LMX1B: variants seen among roughly 807,000 people sequenced by gnomAD.
The protein encoded by LMX1B is LIM homeobox transcription factor 1-beta.
In LMX1B, 12 loss-of-function variants were observed where a neutral mutation model predicts 51.4. The ratio of observed to expected loss-of-function variants is 0.23; its 90% CI spans 0.15 to 0.38. LMX1B has a LOEUF of 0.38. LMX1B is among the 10% of genes least tolerant of loss of function. The pLI is 1.00. For synonymous variants in LMX1B, 237 were observed against 235.4 expected (o/e 1.01, Z -0.06); for missense variants, 445 against 571.1 (o/e 0.78, Z 2.25).
At chr9:126,682,308 G>T (rs77618155) in intron 2 of LMX1B, among the ~76,000 whole-genome samples, 3,454 of 151,880 alleles carry the variant, frequency 0.023, 103 homozygotes, top group African/African-American at 0.066. Flanking sequence ...CCCAGGTGTC[G>T]GCTGGAATGT....
rs558658509 is a variant in LMX1B, at chr9:126,697,717, T to G, written c.*1266T>G. ...GTTAATTTGGCCCAAAAGACAATGA[T>G]TTGGCCACATGACCTTAGAGATTCA... On this transcript the variant is annotated 3_prime_UTR_variant, in exon 8 of 8. Coordinates refer to ENST00000373474, the MANE Select transcript of LMX1B (RefSeq NM_001174147.2). 3.9e-5 allele frequency: 6 copies of G among 152,492 alleles called. No homozygotes were observed. Among genetic ancestry groups the G allele is most frequent in the African/African-American group, 1.4e-4 (6 of 41,576 alleles). 9.4% of individuals were successfully genotyped at this position (152,492 alleles called of 1,614,324 possible).
chr9:126,617,454 T>TC (rs937887007), intron 2 of LMX1B, among the ~76,000 whole-genome samples: 1 of 149,402 alleles, frequency 6.7e-6, no homozygotes, highest in Non-Finnish European at 1.5e-5. Flanking sequence ...TATTCTGCCC[T>TC]CCCCCCACTC....
chr9:126,693,058 G>A (rs923577603), intron 3 of LMX1B, 84 bp from the exon 4 acceptor site: 106 of 1,393,050 alleles, frequency 7.6e-5, no homozygotes, highest in Non-Finnish European at 9.4e-5. Flanking sequence ...GGCTCCCATC[G>A]GGCAGCAGGT....
chr9:126,615,275 C>A lies in LMX1B; in HGVS notation c.140-108C>A. 1.3e-6 allele frequency: 1 copy of A among 746,192 alleles called. No homozygotes were observed. Among genetic ancestry groups the A allele is most frequent in the East Asian group, 4.2e-5 (1 of 23,652 alleles). 46.2% of individuals were successfully genotyped at this position (746,192 alleles called of 1,614,324 possible). ...GAGCGCAGGCGGCAGGCGGTGATCCCGGGCGGCCCGAGCCCTCGGGGCCGA... is the reference window on the plus strand; with the variant it reads ...GAGCGCAGGCGGCAGGCGGTGATCCAGGGCGGCCCGAGCCCTCGGGGCCGA... On this transcript the variant is annotated intron_variant, in intron 1 of 7. Coordinates refer to ENST00000373474, the MANE Select transcript of LMX1B (RefSeq NM_001174147.2). The surrounding 1 kb of genome is among the most constrained non-coding windows in gnomAD (Gnocchi z 6.0).
chr9:126,667,221 C>T (rs1486028930), intron 2 of LMX1B, among the ~76,000 whole-genome samples: 4 of 152,206 alleles, frequency 2.6e-5, no homozygotes, highest in East Asian at 3.9e-4. Flanking sequence ...ATCCATATTT[C>T]CTCTAACTGC....
At position 126,626,897 on chromosome 9, in the gene LMX1B, A is replaced by G. The variant is rs911451752; in HGVS notation, c.326+11328A>G. On this transcript the variant is annotated intron_variant, in intron 2 of 7. Coordinates refer to ENST00000373474, the MANE Select transcript of LMX1B (RefSeq NM_001174147.2). This position sits in a 1 kb window ranked among gnomAD's most constrained non-coding sequence, Gnocchi z 4.3. ...AGTGGGCCGAAGGGCGGCCTAAGACAACGCAGATGGTTCCTATCAGCCCGG... is the reference window on the plus strand; with the variant it reads ...AGTGGGCCGAAGGGCGGCCTAAGACGACGCAGATGGTTCCTATCAGCCCGG... Among the ~76,000 whole-genome samples the G allele has an allele frequency of 1.3e-5, 2 of 152,128 alleles. No homozygotes were observed. The highest frequency in any genetic ancestry group is 2.9e-5 in the Non-Finnish European group (2 of 68,012).
At chr9:126,666,398 A>C (rs4322101) in intron 2 of LMX1B, among the ~76,000 whole-genome samples, 1 of 151,974 alleles carries the variant, frequency 6.6e-6, no homozygotes, top group Non-Finnish European at 1.5e-5. Flanking sequence ...GCCAGGTGAC[A>C]GAGGCTGATG....
chr9:126,668,437 G>A (rs1172256969), intron 2 of LMX1B, among the ~76,000 whole-genome samples: 1 of 107,838 alleles, frequency 9.3e-6, no homozygotes, highest in African/African-American at 4.0e-5. Flanking sequence ...AAATACAGAA[G>A]CAGGATTTAT....
chr9:126,671,832 G>T lies in LMX1B; in HGVS notation c.327-19004G>T, dbSNP rs537445096. ...GCCCCCCACAGCCCAGGCCCCCAGC[G>T]GCCCAGAGGCCACTTGGCCAGGCCT... On this transcript the variant is annotated intron_variant, in intron 2 of 7. Transcript: ENST00000373474. This position sits in a 1 kb window ranked among gnomAD's most constrained non-coding sequence, Gnocchi z 4.4. 6.6e-6 allele frequency among the ~76,000 whole-genome samples: 1 copy of T among 152,202 alleles called. No homozygotes were observed. The highest frequency in any genetic ancestry group is 2.1e-4 in the South Asian group (1 of 4,832).
At chr9:126,688,088 G>A (rs1022982994) in intron 2 of LMX1B, among the ~76,000 whole-genome samples, 11 of 152,200 alleles carry the variant, frequency 7.2e-5, no homozygotes, top group African/African-American at 2.4e-4. Context: ...TAAAGTGCGC[G>A]CAGTTTGTTT....
intron 2 of LMX1B, among the ~76,000 whole-genome samples, chr9:126,620,416 T>G (rs1835385687): frequency 6.6e-6 from 1 of 152,176 alleles, no homozygotes; most frequent in South Asian, 2.1e-4. Context: ...GCAGGGTGGT[T>G]GTGAGGATTA....
At chr9:126,692,171 C>A (rs747160903) in intron 3 of LMX1B, among the ~76,000 whole-genome samples, 17 of 152,220 alleles carry the variant, frequency 1.1e-4, no homozygotes, top group Non-Finnish European at 2.2e-4. Context: ...TCTGTCCCTA[C>A]CCATCCCTGG....
rs1054335756 is a variant in LMX1B, at chr9:126,626,466, A to G, written c.326+10897A>G. On this transcript the variant is annotated intron_variant, in intron 2 of 7. Coordinates refer to ENST00000373474, the MANE Select transcript of LMX1B (RefSeq NM_001174147.2). The surrounding 1 kb of genome is among the most constrained non-coding windows in gnomAD (Gnocchi z 4.3). ...GGGGACCATGGGATTCGCTGCCATTAAGTATGGGACGGGCAGGCGAGAGCG... is the reference window on the plus strand; with the variant it reads ...GGGGACCATGGGATTCGCTGCCATTGAGTATGGGACGGGCAGGCGAGAGCG... 1.3e-5 allele frequency among the ~76,000 whole-genome samples: 2 copies of G among 152,216 alleles called. No homozygotes were observed. Among genetic ancestry groups the G allele is most frequent in the African/African-American group, 2.4e-5 (1 of 41,552 alleles).
intron 2 of LMX1B, among the ~76,000 whole-genome samples, chr9:126,640,435 G>C (rs918290825): frequency 6.6e-6 from 1 of 152,206 alleles, no homozygotes; most frequent in African/African-American, 2.4e-5. Flanking sequence ...ACCAGTTTTT[G>C]TGACCTGTAT....
At chr9:126,656,968 G>C (rs1836129676) in intron 2 of LMX1B, among the ~76,000 whole-genome samples, 1 of 152,120 alleles carries the variant, frequency 6.6e-6, no homozygotes, top group African/African-American at 2.4e-5. Context: ...CTATGTGCCA[G>C]ACCCTCAAAA....
chr9:126,617,292 C>G (rs1255538805), intron 2 of LMX1B, among the ~76,000 whole-genome samples: 1 of 151,964 alleles, frequency 6.6e-6, no homozygotes, highest in African/African-American at 2.4e-5. Flanking sequence ...CTGGCAGTGC[C>G]ACTTACACCC....
chr9:126,615,642 C>CAGGGGG lies in LMX1B; in HGVS notation c.326+73_326+74insAGGGGG. 1 of 1,408,842 alleles carries CAGGGGG rather than the reference C, an allele frequency of 7.1e-7. No homozygotes were observed. Among genetic ancestry groups the CAGGGGG allele is most frequent in the Non-Finnish European group, 9.7e-7 (1 of 1,033,338 alleles). The allele number at this position is 1,408,842 out of a possible 1,614,324, so 87.3% of individuals were successfully genotyped here. A position where few individuals can be genotyped will look rare whatever the true frequency, so the allele number is the denominator to read the frequency against. ...CCGGTCAGCCCCCTGCCGGGCCCGG[C>CAGGGGG]CCGCGCCCGCTCTGCCGCCGGCTCT... On this transcript the variant is annotated intron_variant, in intron 2 of 7. Coordinates refer to ENST00000373474, the MANE Select transcript of LMX1B (RefSeq NM_001174147.2). This position sits in a 1 kb window ranked among gnomAD's most constrained non-coding sequence, Gnocchi z 6.0.
chr9:126,692,757 G>C (rs976058356), intron 3 of LMX1B, among the ~76,000 whole-genome samples: 5 of 152,266 alleles, frequency 3.3e-5, no homozygotes, highest in African/African-American at 1.2e-4. Context: ...GCGTGCACCT[G>C]TCTGCCTGTT....
Position 126,690,995 on chromosome 9 carries a change from G to T in LMX1B, c.486G>T (p.Gln162His). The T allele has an allele frequency of 6.2e-7, 1 of 1,614,124 alleles. No homozygotes were observed. The highest frequency in any genetic ancestry group is 8.5e-7 in the Non-Finnish European group (1 of 1,179,980). Residue 162 changes from glutamine (Q) to histidine (H), a missense_variant, in exon 3 of 8, where the codon CAG (glutamine) becomes CAT (histidine). Physicochemically the swap from Gln to His is conservative, Grantham distance 24 (BLOSUM62 0). Around this residue, in one of 3 missense-constraint regions of LMX1B, gnomAD observed 273 missense variants for 343.3 expected, o/e 0.80. Transcript: ENST00000373474. ...ACGAATTCGTGCTCAAGGAGGGCCA[G>T]CTGCTGTGCAAGGGTGACTACGAGA... Reference protein sequence around the residue: ...KGDEFVLKEGQLLCKGDYEKE... With the variant: ...KGDEFVLKEGHLLCKGDYEKE...
Sources: allele counts gnomAD v4.1 joint callset (sites outside exome capture counted in the v4.1 genomes callset), GRCh38; gene constraint gnomAD v4.1.1; regional missense constraint gnomAD v4.1.1; non-coding constraint Gnocchi (gnomAD v3.1); transcripts MANE v1.5; gene names NCBI Gene and HGNC (gene_info 2026-07-23, HGNC 2026-07-21).